TMPRSS11A: variants seen among roughly 807,000 people sequenced by gnomAD.
TMPRSS11A encodes the protein transmembrane serine protease 11A, also known as transmembrane protease serine 11A.
Under a neutral mutation model 58.9 loss-of-function variants are expected in TMPRSS11A, and 53 were observed. That is an observed-to-expected ratio of 0.90 (90% CI 0.72 to 1.13). The LOEUF is 1.13. Ranked by LOEUF, TMPRSS11A falls within the 50% of genes most tolerant of loss-of-function variation. The pLI, the probability that TMPRSS11A is intolerant of heterozygous loss-of-function variation, is 0.00. For missense variants in TMPRSS11A, 493 were observed against 499.3 expected (o/e 0.99, Z 0.12); for synonymous variants, 167 against 169.8 (o/e 0.98, Z 0.13).
intron 3 of TMPRSS11A, among the ~76,000 whole-genome samples, chr4:67,941,197 A>G (rs1382360990): frequency 6.6e-6 from 1 of 152,160 alleles, no homozygotes. Flanking sequence ...AGGACGTGCA[A>G]CCTGTCTTCC....
At chr4:67,934,388 A>G (rs1720701381) in intron 3 of TMPRSS11A, among the ~76,000 whole-genome samples, 2 of 152,188 alleles carry the variant, frequency 1.3e-5, no homozygotes, top group Admixed American at 1.3e-4. Context: ...GATGGCTTTC[A>G]TTATTAGAAG....
In TMPRSS11A at chr4:67,924,003, C is replaced by G. The variant is rs576325246; in HGVS notation, c.520+125G>C. On this transcript the variant is annotated intron_variant, in intron 6 of 9. Transcript: ENST00000508048. ...AGAAAAAAAATGTATTTAAATCTATCGTACAAATAGTTATTATCTCTCAAA... is the reference window on the plus strand; with the variant it reads ...AGAAAAAAAATGTATTTAAATCTATGGTACAAATAGTTATTATCTCTCAAA... 3.1e-5 allele frequency: 26 copies of G among 835,954 alleles called. No homozygotes were observed. In the African/African-American group the frequency reaches 4.1e-4, roughly 13 times the overall value. 51.8% of individuals were successfully genotyped at this position (835,954 alleles called of 1,614,324 possible).
intron 8 of TMPRSS11A, among the ~76,000 whole-genome samples, chr4:67,916,234 T>C (rs986531160): frequency 4.6e-5 from 7 of 152,148 alleles, no homozygotes; most frequent in African/African-American, 1.7e-4. Flanking sequence ...ACACATTATG[T>C]TGCACATGGT....
intron 9 of TMPRSS11A, among the ~76,000 whole-genome samples, chr4:67,913,755 G>A (rs868018792): frequency 2.6e-5 from 4 of 152,302 alleles, no homozygotes; most frequent in Middle Eastern, 6.8e-3. Flanking sequence ...ATAGGTCCCT[G>A]CTCCTTTTCT....
chr4:67,926,700 T>A (rs1720481245), intron 5 of TMPRSS11A, among the ~76,000 whole-genome samples: 1 of 152,104 alleles, frequency 6.6e-6, no homozygotes, highest in Admixed American at 6.5e-5. Flanking sequence ...TTGGAGCCCA[T>A]CCCTGGGAGC....
intron 1 of TMPRSS11A, among the ~76,000 whole-genome samples, chr4:67,959,885 C>T (rs1348728084): frequency 6.6e-6 from 1 of 152,152 alleles, no homozygotes; most frequent in Admixed American, 6.5e-5. Context: ...TATTGCTGTG[C>T]TATTCACAAT....
At chr4:67,911,580 T>G in intron 9 of TMPRSS11A, 77 bp from the exon 10 acceptor site, 7 of 1,251,368 alleles carry the variant, frequency 5.6e-6, no homozygotes, top group Non-Finnish European at 7.8e-6. Flanking sequence ...TTTTGATGAA[T>G]CACATATTTT....
intron 1 of TMPRSS11A, among the ~76,000 whole-genome samples, chr4:67,953,093 T>A (rs1012199787): frequency 5.3e-5 from 8 of 152,120 alleles, no homozygotes; most frequent in Admixed American, 4.6e-4. Flanking sequence ...CAGTTTACAA[T>A]AGGGTTCATG....
In TMPRSS11A at chr4:67,919,085, G is replaced by A. The variant is rs138234149; in HGVS notation, c.840C>T (p.Ser280=). 15 of 1,614,172 alleles carry A rather than the reference G, an allele frequency of 9.3e-6. No individual in the cohort carries two copies. In the African/African-American group the frequency reaches 1.7e-4, roughly 19 times the overall value. Residue 280 remains serine, a synonymous_variant, in exon 8 of 10, where the codon TCC becomes TCT. Coordinates refer to ENST00000508048, the MANE Select transcript of TMPRSS11A (RefSeq NM_001114387.2). ...GTATGTCATCCGAAAAGGTGACTCT[G>A]GAAGAGACCTGCACAACAGCAATGT... The part of the protein sequence containing the change: ...EYDIAVVQVS[S]RVTFSDDIRQ...
chr4:67,926,094 T>G (rs1262227004), intron 5 of TMPRSS11A, among the ~76,000 whole-genome samples: 1 of 152,204 alleles, frequency 6.6e-6, no homozygotes, highest in Non-Finnish European at 1.5e-5. Context: ...AGTATCATGA[T>G]GAAAAATGAA....
At chr4:67,913,241 T>A (rs1720038362) in intron 9 of TMPRSS11A, among the ~76,000 whole-genome samples, 1 of 152,026 alleles carries the variant, frequency 6.6e-6, no homozygotes, top group Non-Finnish European at 1.5e-5. Context: ...TACAATAGTG[T>A]TGAGAGATGG....
At chr4:67,927,094 C>T (rs1298650378) in intron 5 of TMPRSS11A, among the ~76,000 whole-genome samples, 4 of 152,156 alleles carry the variant, frequency 2.6e-5, no homozygotes, top group African/African-American at 7.2e-5. Flanking sequence ...AACCTTTCTT[C>T]GTCTTGCTCA....
At position 67,924,125 on chromosome 4, in the gene TMPRSS11A, T is replaced by C; in HGVS notation, c.520+3A>G. On this transcript the variant is annotated splice_donor_region_variant and intron_variant, in intron 6 of 9. Transcript: ENST00000508048. ...CTTGTTTATATAAGCTAACTTGACT[T>C]ACTTGCTTGGACAGTTAACTCCCCT... 2 of 1,612,780 alleles carry C rather than the reference T, an allele frequency of 1.2e-6. No homozygotes were observed. The highest frequency in any genetic ancestry group is 1.7e-6 in the Non-Finnish European group (2 of 1,178,886).
intron 9 of TMPRSS11A, among the ~76,000 whole-genome samples, chr4:67,912,519 T>C (rs1431160924): frequency 2.0e-5 from 3 of 152,186 alleles, no homozygotes; most frequent in Non-Finnish European, 4.4e-5. Flanking sequence ...TCCTAAGAAG[T>C]AGGGTATCAG....
At chr4:67,915,102 C>T (rs1055296762) in intron 8 of TMPRSS11A, among the ~76,000 whole-genome samples, 2 of 151,906 alleles carry the variant, frequency 1.3e-5, no homozygotes, top group Non-Finnish European at 2.9e-5. Flanking sequence ...TCTCCATTGG[C>T]TTGATAAAAT....
chr4:67,938,646 C>T (rs1056785106), intron 3 of TMPRSS11A, among the ~76,000 whole-genome samples: 1 of 152,112 alleles, frequency 6.6e-6, no homozygotes, highest in East Asian at 1.9e-4. Context: ...GCTATTCCAG[C>T]ACCATTTATT....
intron 4 of TMPRSS11A, among the ~76,000 whole-genome samples, 175 bp from the exon 5 acceptor site, chr4:67,930,215 A>G (rs1380255340): frequency 6.6e-6 from 1 of 152,118 alleles, no homozygotes; most frequent in African/African-American, 2.4e-5. Flanking sequence ...TCTAGCTTTC[A>G]TTATGTTTTC....
intron 4 of TMPRSS11A, 125 bp from the exon 5 acceptor site, chr4:67,930,165 C>T (rs547631931): frequency 9.2e-6 from 7 of 761,758 alleles, no homozygotes; most frequent in African/African-American, 8.6e-5. Flanking sequence ...CTGATCCTCT[C>T]ATGTCATTCT....
intron 1 of TMPRSS11A, among the ~76,000 whole-genome samples, chr4:67,953,254 C>A (rs1248611350): frequency 6.6e-6 from 1 of 152,060 alleles, no homozygotes; most frequent in Non-Finnish European, 1.5e-5. Flanking sequence ...ACTTGGGGAT[C>A]CCTGGTTTAA....
Sources: gnomAD v4.1 joint callset for allele counts (sites outside exome capture counted in the v4.1 genomes callset) on GRCh38, gnomAD v4.1.1 for gene constraint, MANE v1.5 for transcripts, NCBI Gene and HGNC (gene_info 2026-07-23, HGNC 2026-07-21) for gene names.